The following COL10A1 variants were observed in gnomAD, a reference collection of about 807,000 sequenced individuals.
COL10A1 encodes collagen type X alpha 1 chain, also known as collagen alpha-1(X) chain.
A neutral mutation model predicts 18.2 loss-of-function variants in COL10A1; 10 were observed. The ratio of observed to expected loss-of-function variants is 0.55; its 90% confidence interval spans 0.34 to 0.93. COL10A1 has a LOEUF of 0.93. Among genes scored for constraint, COL10A1 ranks in the 40% least tolerant of loss-of-function variants. The pLI, the probability that COL10A1 is intolerant of heterozygous loss-of-function variation, is 0.02. For missense variants in COL10A1, 897 were observed against 853.5 expected (o/e 1.05, Z -0.64); for synonymous variants, 330 against 316.6 (o/e 1.04, Z -0.45).
chr6:116,182,976 A>G, the COL10A1 span, among the ~76,000 whole-genome samples: 1 of 152,034 alleles, frequency 6.6e-6, no homozygotes, highest in Admixed American at 6.6e-5. Context: ...GGGTTTTTCC[A>G]CTGTGCTTTT....
chr6:116,124,596 A>G (rs1002174507), intron 2 of COL10A1, among the ~76,000 whole-genome samples: 5 of 152,212 alleles, frequency 3.3e-5, no homozygotes, highest in Admixed American at 6.5e-5. Context: ...AAGTAATAGC[A>G]ACACTTAAAG....
the COL10A1 span, among the ~76,000 whole-genome samples, chr6:116,216,868 G>A: frequency 2.6e-5 from 4 of 152,024 alleles, no homozygotes; most frequent in Admixed American, 6.6e-5. Flanking sequence ...ACAGTTCATC[G>A]CTAGGCATTT....
At chr6:116,199,474 G>C in the COL10A1 span, among the ~76,000 whole-genome samples, 1 of 151,992 alleles carries the variant, frequency 6.6e-6, no homozygotes, top group Non-Finnish European at 1.5e-5. Context: ...CAATGTTGTG[G>C]AAAGAGAAAT....
the COL10A1 span, among the ~76,000 whole-genome samples, chr6:116,172,127 A>T: frequency 6.6e-6 from 1 of 152,154 alleles, no homozygotes; most frequent in African/African-American, 2.4e-5. Context: ...AGCATTTCCT[A>T]ACCTGTTGTA....
At chr6:116,138,456 A>G (rs574784484) in intron 1 of COL10A1, among the ~76,000 whole-genome samples, 1 of 152,320 alleles carries the variant, frequency 6.6e-6, no homozygotes, top group African/African-American at 2.4e-5. Flanking sequence ...ATTGGTGAAC[A>G]CTGTTTTTAA....
chr6:116,143,926 T>A (rs1293948181), intron 1 of COL10A1, among the ~76,000 whole-genome samples: 1 of 152,240 alleles, frequency 6.6e-6, no homozygotes, highest in African/African-American at 2.4e-5. Flanking sequence ...ATATTTGTAA[T>A]GCTTTATAAT....
chr6:116,185,132 C>G, the COL10A1 span, among the ~76,000 whole-genome samples: 2 of 152,148 alleles, frequency 1.3e-5, no homozygotes, highest in African/African-American at 4.8e-5. Flanking sequence ...AAAGATCATT[C>G]AGGAGCAAGT....
the COL10A1 span, among the ~76,000 whole-genome samples, chr6:116,190,048 T>C: frequency 1.3e-5 from 2 of 152,100 alleles, no homozygotes; most frequent in South Asian, 4.1e-4. Context: ...TTCATCTCTC[T>C]GAATCACTGT....
intron 1 of COL10A1, among the ~76,000 whole-genome samples, chr6:116,140,184 A>ACCT (rs1211074333): frequency 5.9e-5 from 9 of 152,166 alleles, no homozygotes; most frequent in African/African-American, 2.2e-4. Flanking sequence ...GCTCTCAGGT[A>ACCT]TTTTCAAGTA....
chr6:116,205,547 C>T, the COL10A1 span, among the ~76,000 whole-genome samples: 22 of 151,992 alleles, frequency 1.4e-4, no homozygotes, highest in African/African-American at 5.3e-4. Context: ...AGCATCTGAT[C>T]TTGCTAGACC....
chr6:116,179,453 A>G, the COL10A1 span, among the ~76,000 whole-genome samples: 12 of 152,106 alleles, frequency 7.9e-5, no homozygotes, highest in East Asian at 1.3e-3. Flanking sequence ...AAAAAAAACA[A>G]TCCTATCAAA....
intron 1 of COL10A1, among the ~76,000 whole-genome samples, chr6:116,135,037 C>T (rs1406634511): frequency 6.6e-6 from 1 of 152,162 alleles, no homozygotes; most frequent in African/African-American, 2.4e-5. Context: ...TTATCTTTTA[C>T]TCATCTGTAC....
the COL10A1 span, among the ~76,000 whole-genome samples, chr6:116,197,190 T>G: frequency 2.6e-5 from 4 of 151,908 alleles, no homozygotes; most frequent in Non-Finnish European, 4.4e-5. Flanking sequence ...TGAAGAGGCA[T>G]GAATCTTCAT....
the COL10A1 span, among the ~76,000 whole-genome samples, chr6:116,213,395 A>C: frequency 6.6e-6 from 1 of 152,116 alleles, no homozygotes; most frequent in Non-Finnish European, 1.5e-5. Flanking sequence ...GATTGGTTGC[A>C]CATCTTACAT....
In COL10A1 at chr6:116,145,021, T is replaced by G. The variant is rs76396394; in HGVS notation, c.-16+13593A>C. ...GAATGTATTATGTACCAATTATAGA[T>G]TTGATTCGTACATCAGATTGATACA... On this transcript the variant is annotated intron_variant, in intron 1 of 1. Transcript: ENST00000418500. Among the ~76,000 whole-genome samples, 1,238 of 152,280 alleles carry G rather than the reference T, an allele frequency of 8.1e-3. 21 individuals carry two copies. The highest frequency in any genetic ancestry group is 0.028 in the African/African-American group (1,173 of 41,548).
At chr6:116,210,996 A>G in the COL10A1 span, among the ~76,000 whole-genome samples, 6 of 152,012 alleles carry the variant, frequency 3.9e-5, no homozygotes, top group Non-Finnish European at 8.8e-5. Flanking sequence ...CTGGACCTCT[A>G]TCATCAGTAA....
At chr6:116,135,711 A>C (rs991566521) in intron 1 of COL10A1, among the ~76,000 whole-genome samples, 1 of 151,218 alleles carries the variant, frequency 6.6e-6, no homozygotes, top group Non-Finnish European at 1.5e-5. Context: ...ACTGTGGATC[A>C]ACATACCCAT....
intron 1 of COL10A1, among the ~76,000 whole-genome samples, chr6:116,146,108 T>A (rs1034255618): frequency 6.6e-6 from 1 of 152,224 alleles, no homozygotes; most frequent in Non-Finnish European, 1.5e-5. Context: ...TTGATTATGG[T>A]TACAGTTAAT....
chr6:116,193,041 A>C, the COL10A1 span, among the ~76,000 whole-genome samples: 1 of 152,224 alleles, frequency 6.6e-6, no homozygotes, highest in Admixed American at 6.5e-5. Context: ...ATGTAAATGC[A>C]GCATTACTAA....
Sources: allele counts gnomAD v4.1 joint callset (sites outside exome capture counted in the v4.1 genomes callset), GRCh38; gene constraint gnomAD v4.1.1; transcripts MANE v1.5; gene names NCBI Gene and HGNC (gene_info 2026-07-23, HGNC 2026-07-21).